Variants in RBPJ observed in about 807,000 individuals in gnomAD.
The protein encoded by RBPJ is recombination signal binding protein for immunoglobulin kappa J region, also known as recombining binding protein suppressor of hairless.
Under a neutral mutation model 67.8 loss-of-function variants are expected in RBPJ, and 9 were observed. The ratio of observed to expected loss-of-function variants is 0.13; its 90% CI spans 0.08 to 0.23. The LOEUF is 0.23. Ranked by LOEUF, RBPJ falls within the 10% of genes least tolerant of loss-of-function variation. The pLI is 1.00. For missense variants in RBPJ, 305 were observed against 595.6 expected (o/e 0.51, Z 5.08); for synonymous variants, 198 against 203.3 (o/e 0.97, Z 0.22).
At chr4:26,106,962 T>C in the RBPJ span, among the ~76,000 whole-genome samples, 1 of 152,050 alleles carries the variant, frequency 6.6e-6, no homozygotes, top group Non-Finnish European at 1.5e-5. Context: ...CTTTTTGAAC[T>C]GATGAGTTGC....
chr4:26,320,626 T>G (rs1722914745), upstream of RBPJ: 3 of 1,097,630 alleles, frequency 2.7e-6, no homozygotes, highest in Non-Finnish European at 2.6e-6. Flanking sequence ...GGACCCCTCC[T>G]CCCTTCTCCT....
At chr4:26,172,213 A>G (rs1716616734) in intron 1 of RBPJ, among the ~76,000 whole-genome samples, 3 of 152,188 alleles carry the variant, frequency 2.0e-5, no homozygotes, top group Admixed American at 1.3e-4. Context: ...GAAAGACTAC[A>G]GAGGTCCCAT....
intron 1 of RBPJ, among the ~76,000 whole-genome samples, chr4:26,256,224 T>A (rs988218561): frequency 1.3e-5 from 2 of 151,298 alleles, no homozygotes; most frequent in African/African-American, 4.9e-5. Context: ...CACCCTCCTC[T>A]GCCAAGCCAC....
chr4:26,413,392 A>G (rs1052767836), intron 3 of RBPJ, among the ~76,000 whole-genome samples: 1 of 152,138 alleles, frequency 6.6e-6, no homozygotes, highest in Non-Finnish European at 1.5e-5. Context: ...TCACCAGCTA[A>G]TGGAGTACAT....
intron 1 of RBPJ, among the ~76,000 whole-genome samples, chr4:26,164,188 A>G (rs748869268): frequency 6.6e-6 from 1 of 152,386 alleles, no homozygotes; most frequent in South Asian, 2.1e-4. Flanking sequence ...AAAGGCCCAC[A>G]GCATACCAGC....
At chr4:26,392,713 T>A (rs1483685565) in intron 2 of RBPJ, among the ~76,000 whole-genome samples, 1 of 152,202 alleles carries the variant, frequency 6.6e-6, no homozygotes, top group South Asian at 2.1e-4. Flanking sequence ...CTCACAATTG[T>A]GAATACCTTT....
At chr4:26,304,427 TTA>T (rs1408785023) in intron 1 of RBPJ, among the ~76,000 whole-genome samples, 2 of 152,258 alleles carry the variant, frequency 1.3e-5, no homozygotes, top group African/African-American at 4.8e-5. Context: ...AGGTTGCTTT[TTA>T]AAATGGTTAC....
chr4:26,373,440 C>CT (rs766182354), intron 1 of RBPJ, among the ~76,000 whole-genome samples: 1 of 151,996 alleles, frequency 6.6e-6, no homozygotes, highest in African/African-American at 2.4e-5. Context: ...GCTCTGGTCT[C>CT]TGTTATTGAA....
At chr4:26,113,400 A>C in the RBPJ span, 1 of 539,940 alleles carries the variant, frequency 1.9e-6, no homozygotes, top group Non-Finnish European at 3.6e-6. Flanking sequence ...ACAGGAGAGA[A>C]ACCCTATGAA....
intron 1 of RBPJ, among the ~76,000 whole-genome samples, chr4:26,368,809 G>C (rs1011648718): frequency 6.6e-6 from 1 of 152,224 alleles, no homozygotes; most frequent in African/African-American, 2.4e-5. Context: ...AAACTAACTT[G>C]AGTGAGAAAT....
chr4:26,228,636 C>T (rs959864771), intron 1 of RBPJ, among the ~76,000 whole-genome samples: 3 of 152,188 alleles, frequency 2.0e-5, no homozygotes, highest in South Asian at 2.1e-4. Flanking sequence ...AAGAACACAA[C>T]GTGTTACTAG....
At chr4:26,421,407 A>G (rs556181976) in intron 5 of RBPJ, among the ~76,000 whole-genome samples, 19 of 152,058 alleles carry the variant, frequency 1.2e-4, no homozygotes, top group African/African-American at 3.4e-4. Flanking sequence ...GGTTCAACCA[A>G]TCCTCCCTGC....
At chr4:26,267,920 A>G (rs1281594799) in intron 1 of RBPJ, among the ~76,000 whole-genome samples, 1 of 152,080 alleles carries the variant, frequency 6.6e-6, no homozygotes, top group Non-Finnish European at 1.5e-5. Flanking sequence ...CAATTTCAAT[A>G]TAAGAGTAAC....
chr4:26,178,596 A>G (rs1238293855), intron 1 of RBPJ, among the ~76,000 whole-genome samples: 6 of 144,104 alleles, frequency 4.2e-5, no homozygotes, highest in African/African-American at 1.5e-4. Flanking sequence ...TGACAGAGCA[A>G]GACCCCGTAT....
At chr4:26,315,697 C>G (rs2109310757), upstream of RBPJ, among the ~76,000 whole-genome samples, 1 of 152,186 alleles carries the variant, frequency 6.6e-6, no homozygotes, top group Non-Finnish European at 1.5e-5. Context: ...CCCTAATAAG[C>G]CTGAGGGTAC....
chr4:26,352,686 G>A (rs980626014), intron 1 of RBPJ, among the ~76,000 whole-genome samples: 8 of 152,236 alleles, frequency 5.3e-5, no homozygotes, highest in African/African-American at 1.9e-4. Context: ...CTGGGCCACA[G>A]AGTGAAACTC....
chr4:26,267,052 T>C (rs1720725183), intron 1 of RBPJ, among the ~76,000 whole-genome samples: 1 of 152,216 alleles, frequency 6.6e-6, no homozygotes, highest in Non-Finnish European at 1.5e-5. Context: ...AGATGATTGA[T>C]AAGTTGTCTC....
At chr4:26,240,435 A>G (rs1265257443) in intron 1 of RBPJ, among the ~76,000 whole-genome samples, 1 of 152,242 alleles carries the variant, frequency 6.6e-6, no homozygotes, top group Non-Finnish European at 1.5e-5. Flanking sequence ...TCTGGGACAG[A>G]CATTTAGAAG....
chr4:26,302,044 C>T (rs889439677), intron 1 of RBPJ, among the ~76,000 whole-genome samples: 60 of 152,250 alleles, frequency 3.9e-4, no homozygotes, highest in African/African-American at 1.3e-3. Context: ...CTACCTGCCT[C>T]GGCCTCCCAA....
Sources: gnomAD v4.1 joint callset for allele counts (sites outside exome capture counted in the v4.1 genomes callset) on GRCh38, gnomAD v4.1.1 for gene constraint, MANE v1.5 for transcripts, NCBI Gene and HGNC (gene_info 2026-07-23, HGNC 2026-07-21) for gene names.